Variants in NUDC observed in about 807,000 individuals in gnomAD.
NUDC encodes nuclear distribution C, dynein complex regulator, also known as nuclear migration protein nudC.
In NUDC, 14 loss-of-function variants were observed where a neutral mutation model predicts 45.0. That is an observed-to-expected ratio of 0.31 (90% CI 0.21 to 0.49). The LOEUF (loss-of-function observed/expected upper bound fraction) is 0.49. NUDC is among the 20% of genes least tolerant of loss of function. The pLI is 0.99. For synonymous variants in NUDC, 153 were observed against 156.7 expected (o/e 0.98, Z 0.17); for missense variants, 323 against 426.2 (o/e 0.76, Z 2.13).
At chr1:26,911,186 A>G (rs920884642) in exon 3 of NUDC, 5 of 470,402 alleles carry the variant, frequency 1.1e-5, no homozygotes, top group Non-Finnish European at 2.2e-5. Flanking sequence ...GTCTGTTTCA[A>G]TTCGGGAGTG....
At chr1:26,915,862 C>T (rs904027793) in intron 3 of NUDC, among the ~76,000 whole-genome samples, 5 of 152,090 alleles carry the variant, frequency 3.3e-5, no homozygotes, top group African/African-American at 1.2e-4. Context: ...TATAAAGTTC[C>T]TTTCATGTTT....
intron 3 of NUDC, chr1:26,911,531 G>T: frequency 2.5e-6 from 1 of 396,552 alleles, no homozygotes; most frequent in South Asian, 2.2e-5. Flanking sequence ...ACTTAATTCA[G>T]TTCTGTATAA....
At chr1:26,913,433 T>A in intron 3 of NUDC, 1 of 1,614,106 alleles carries the variant, frequency 6.2e-7, no homozygotes, top group Non-Finnish European at 8.5e-7. Context: ...ATGGTCCCTT[T>A]CAGGCAGGCA....
intron 2 of NUDC, among the ~76,000 whole-genome samples, chr1:26,904,719 C>T (rs2081995084): frequency 6.6e-6 from 1 of 152,322 alleles, no homozygotes; most frequent in African/African-American, 2.4e-5. Context: ...CTTAATCTCT[C>T]TGTACCTCTA....
chr1:26,906,699 A>C (rs1329714950), intron 2 of NUDC, among the ~76,000 whole-genome samples: 1 of 149,300 alleles, frequency 6.7e-6, no homozygotes, highest in Admixed American at 6.7e-5. Flanking sequence ...AATACAAAAA[A>C]TTGGCCGGGC....
At chr1:26,932,228 G>A (rs1309127206) in intron 2 of NUDC, among the ~76,000 whole-genome samples, 1 of 150,838 alleles carries the variant, frequency 6.6e-6, no homozygotes, top group Non-Finnish European at 1.5e-5. Flanking sequence ...CCAGGCTAGA[G>A]TATAGTGGTG....
chr1:26,930,891 C>T (rs905422019), intron 2 of NUDC, among the ~76,000 whole-genome samples: 2 of 151,580 alleles, frequency 1.3e-5, no homozygotes, highest in African/African-American at 4.8e-5. Context: ...TGGCAGGGGC[C>T]TGTAATCCCA....
intron 2 of NUDC, among the ~76,000 whole-genome samples, chr1:26,935,421 G>A (rs1426056428): frequency 6.6e-6 from 1 of 152,174 alleles, no homozygotes; most frequent in East Asian, 1.9e-4. Context: ...GGCTGAGGAA[G>A]CCTTAGGAAA....
chr1:26,915,699 A>G (rs2082058513), intron 3 of NUDC, among the ~76,000 whole-genome samples: 1 of 152,208 alleles, frequency 6.6e-6, no homozygotes, highest in Admixed American at 6.5e-5. Flanking sequence ...TAGGGCTGCC[A>G]TGGGGACAAA....
In NUDC at chr1:26,946,449, C is replaced by T. The variant is rs145127838; in HGVS notation, c.*268C>T. 482 of 500,366 alleles carry T rather than the reference C, an allele frequency of 9.6e-4. 4 individuals are homozygous for T. Among genetic ancestry groups the T allele is most frequent in the African/African-American group, 8.3e-3 (426 of 51,474 alleles). The allele number at this position is 500,366 out of a possible 1,614,324, so 31.0% of individuals were successfully genotyped here. Reference sequence around the variant, plus strand: ...CTTTCTCTGGGGCACAGGCCTCTTACGGCTGCTGCTGGGAACTGGGAGTTT... The same window carrying T: ...CTTTCTCTGGGGCACAGGCCTCTTATGGCTGCTGCTGGGAACTGGGAGTTT... On this transcript the variant is annotated 3_prime_UTR_variant, in exon 9 of 9. Coordinates refer to ENST00000321265, the MANE Select transcript of NUDC (RefSeq NM_006600.4).
At chr1:26,931,095 T>A (rs2082179171) in intron 2 of NUDC, among the ~76,000 whole-genome samples, 1 of 152,054 alleles carries the variant, frequency 6.6e-6, no homozygotes, top group Admixed American at 6.6e-5. Context: ...TTTGTTTGTT[T>A]GAGACGGAGT....
chr1:26,905,531 A>G (rs538109705), intron 2 of NUDC, among the ~76,000 whole-genome samples: 16 of 152,260 alleles, frequency 1.1e-4, no homozygotes, highest in African/African-American at 3.9e-4. Context: ...AGGGGCAGTA[A>G]ATTTCTAGGT....
At chr1:26,938,549 G>A (rs2082252666) in intron 2 of NUDC, among the ~76,000 whole-genome samples, 1 of 152,220 alleles carries the variant, frequency 6.6e-6, no homozygotes, top group South Asian at 2.1e-4. Flanking sequence ...GGTTTAGGGG[G>A]TACGTTTGGT....
At chr1:26,922,313 G>A (rs2082098330) in intron 1 of NUDC, 1 of 332,596 alleles carries the variant, frequency 3.0e-6, no homozygotes. Context: ...GTGTGTGGTA[G>A]GGGAGCGGGC....
intron 8 of NUDC, 59 bp downstream of exon 8, chr1:26,945,745 T>C (rs1314272092): frequency 1.7e-6 from 2 of 1,194,284 alleles, no homozygotes; most frequent in African/African-American, 1.5e-5. Flanking sequence ...TAGACTTCGG[T>C]GACAGCAGTG....
rs1326095324 is a variant in NUDC at position 26,913,797 on chromosome 1, C to G, written c.93+2562C>G. 4 of 1,536,244 alleles carry G rather than the reference C, an allele frequency of 2.6e-6. No homozygotes were observed. In the African/African-American group the frequency reaches 5.5e-5, roughly 21 times the overall value. ...GGCAGGTGCGATGAGGTGCACATAG[C>G]TGGACGGGCCGGTGCTGCCTACATA... On this transcript the variant is annotated intron_variant, in intron 3 of 6. Transcript: ENST00000435827.
At chr1:26,928,587 C>T (rs1465735542) in intron 2 of NUDC, among the ~76,000 whole-genome samples, 1 of 152,156 alleles carries the variant, frequency 6.6e-6, no homozygotes, top group East Asian at 1.9e-4. Context: ...GTCCCAACCA[C>T]TCAGGAGGCT....
chr1:26,930,529 A>G (rs769680210), intron 2 of NUDC, among the ~76,000 whole-genome samples: 38 of 152,122 alleles, frequency 2.5e-4, no homozygotes, highest in Non-Finnish European at 4.6e-4. Context: ...CTGGTCCAAC[A>G]TAGAGCATAT....
intron 1 of NUDC, chr1:26,922,163 C>T (rs1487928194): frequency 1.4e-5 from 8 of 585,492 alleles, no homozygotes; most frequent in Non-Finnish European, 2.1e-5. Context: ...CATCCCTGAG[C>T]TTAGGATCCC....
Sources: gnomAD v4.1 joint callset for allele counts (sites outside exome capture counted in the v4.1 genomes callset) on GRCh38, gnomAD v4.1.1 for gene constraint, MANE v1.5 for transcripts, NCBI Gene and HGNC (gene_info 2026-07-23, HGNC 2026-07-21) for gene names.